THSD7B: variants seen among roughly 807,000 people sequenced by gnomAD.
THSD7B encodes thrombospondin type-1 domain-containing protein 7B.
A neutral mutation model predicts 213.6 loss-of-function variants in THSD7B; 138 were observed. That is an observed-to-expected ratio of 0.65 (90% CI 0.56 to 0.74). The LOEUF (loss-of-function observed/expected upper bound fraction) is 0.74. THSD7B is among the 30% of genes least tolerant of loss of function. The pLI is 0.00. For synonymous variants in THSD7B, 742 were observed against 687.0 expected (o/e 1.08, Z -1.25); for missense variants, 1,931 against 1,991.5 (o/e 0.97, Z 0.58).
At chr2:137,223,570 C>T (rs1301341676) in intron 7 of THSD7B, among the ~76,000 whole-genome samples, 1 of 152,202 alleles carries the variant, frequency 6.6e-6, no homozygotes, top group Non-Finnish European at 1.5e-5. Flanking sequence ...GGCTTATCAA[C>T]AAGTTGGCGT....
rs773677139 is a variant in THSD7B, at chr2:136,954,740, T to TAAAAAAAAG, written c.139+72424_139+72425insAAAAAAAGA. On this transcript the variant is annotated intron_variant, in intron 2 of 27. Transcript: ENST00000409968. ...AAAAAAAAAAAAAAAAAAAAGAAAT[T>TAAAAAAAAG]ACATAAGAGCTTTTATACTGTTTAT... Among the ~76,000 whole-genome samples the TAAAAAAAAG allele has an allele frequency of 7.4e-4, 102 of 137,424 alleles. 5 individuals are homozygous for TAAAAAAAAG. Among genetic ancestry groups the TAAAAAAAAG allele is most frequent in the Middle Eastern group, 3.6e-3 (1 of 274 alleles). The allele number at this position is 137,424 out of a possible 152,430, so 90.2% of individuals were successfully genotyped here.
At chr2:136,769,509 C>T (rs1030420328) in intron 1 of THSD7B, among the ~76,000 whole-genome samples, 5 of 152,144 alleles carry the variant, frequency 3.3e-5, no homozygotes, top group African/African-American at 1.2e-4. Flanking sequence ...CTGGTAGGGA[C>T]TCATGCTTTT....
chr2:137,411,534 A>G, intron 13 of THSD7B, 75 bp from the exon 14 acceptor site: 1 of 1,358,530 alleles, frequency 7.4e-7, no homozygotes. Flanking sequence ...AAAGATTACA[A>G]ATACAAAAGT....
chr2:137,421,122 C>G (rs1014626771), intron 14 of THSD7B, among the ~76,000 whole-genome samples: 1 of 152,144 alleles, frequency 6.6e-6, no homozygotes, highest in African/African-American at 2.4e-5. Flanking sequence ...GGGAAAAACA[C>G]GCTGACTGTG....
chr2:137,493,663 A>G (rs1049613400), intron 15 of THSD7B, among the ~76,000 whole-genome samples: 1 of 152,234 alleles, frequency 6.6e-6, no homozygotes, highest in Non-Finnish European at 1.5e-5. Flanking sequence ...AAGCCACTGC[A>G]GATATAAGCC....
chr2:136,766,364 T>C (rs995920479), intron 1 of THSD7B, among the ~76,000 whole-genome samples: 2 of 151,104 alleles, frequency 1.3e-5, no homozygotes, highest in East Asian at 3.9e-4. Context: ...GATATCCTGC[T>C]GTTTGTGGAG....
chr2:137,363,093 T>A (rs990389537), intron 12 of THSD7B, among the ~76,000 whole-genome samples: 3 of 152,026 alleles, frequency 2.0e-5, no homozygotes, highest in Non-Finnish European at 4.4e-5. Context: ...CACTCAAAAC[T>A]GCACAAATAT....
chr2:137,015,249 C>T (rs1686316929), intron 2 of THSD7B, among the ~76,000 whole-genome samples: 1 of 152,096 alleles, frequency 6.6e-6, no homozygotes, highest in Non-Finnish European at 1.5e-5. Context: ...TGCCAGTTAT[C>T]CAAGAAATAT....
chr2:137,108,388 CT>C (rs1395662412), intron 4 of THSD7B, among the ~76,000 whole-genome samples: 1 of 152,304 alleles, frequency 6.6e-6, no homozygotes, highest in African/African-American at 2.4e-5. Flanking sequence ...CTAATTTTGG[CT>C]TTGCTAATTT....
At chr2:137,501,457 T>A (rs1679703994) in intron 15 of THSD7B, among the ~76,000 whole-genome samples, 1 of 152,290 alleles carries the variant, frequency 6.6e-6, no homozygotes, top group East Asian at 1.9e-4. Context: ...TAAAGGTATT[T>A]TATTAAGAGA....
intron 2 of THSD7B, among the ~76,000 whole-genome samples, chr2:137,001,864 C>T (rs1220441818): frequency 6.6e-6 from 1 of 152,096 alleles, no homozygotes; most frequent in African/African-American, 2.4e-5. Flanking sequence ...TTGCATTTCA[C>T]TTTCTCTGTT....
At chr2:137,210,709 A>G (rs1681084092) in intron 7 of THSD7B, among the ~76,000 whole-genome samples, 2 of 152,062 alleles carry the variant, frequency 1.3e-5, no homozygotes, top group South Asian at 4.1e-4. Flanking sequence ...CGAAGACTGC[A>G]CCAATAAACA....
At chr2:137,637,045 C>T (rs1426526974) in intron 20 of THSD7B, among the ~76,000 whole-genome samples, 2 of 152,192 alleles carry the variant, frequency 1.3e-5, no homozygotes, top group African/African-American at 4.8e-5. Context: ...ATAATTTTAT[C>T]TTTAATATGG....
Position 137,157,173 on chromosome 2 carries a change from A to T in THSD7B, c.1370-3040A>T, listed in dbSNP as rs967153485. On this transcript the variant is annotated intron_variant, in intron 5 of 27. Transcript: ENST00000409968. ...TTGTCTGAGTCCAGTGGGAGCAAAT[A>T]CACTCATATGCAACAAGTTATATGA... Among the ~76,000 whole-genome samples the T allele has an allele frequency of 9.9e-5, 15 of 152,278 alleles. No homozygotes were observed. In the East Asian group the frequency reaches 2.5e-3, roughly 26 times the overall value.
At chr2:136,835,919 A>T (rs145140111) in intron 1 of THSD7B, among the ~76,000 whole-genome samples, 10 of 152,222 alleles carry the variant, frequency 6.6e-5, no homozygotes, top group African/African-American at 9.6e-5. Context: ...ATGTCTGTTT[A>T]TTTTTGCTTT....
At chr2:137,261,915 C>CAAAAAAAA (rs369579882) in intron 10 of THSD7B, among the ~76,000 whole-genome samples, 2,356 of 54,686 alleles carry the variant, frequency 0.043, 65 homozygotes, top group African/African-American at 0.11. Flanking sequence ...GAAAGTTTGT[C>CAAAAAAAA]AAAAAAAAAA....
chr2:137,089,925 T>C (rs1211077167), intron 3 of THSD7B, among the ~76,000 whole-genome samples: 1 of 151,770 alleles, frequency 6.6e-6, no homozygotes, highest in Non-Finnish European at 1.5e-5. Flanking sequence ...GAGAATTCCT[T>C]AAACCCGGGA....
intron 2 of THSD7B, among the ~76,000 whole-genome samples, chr2:137,050,449 T>C (rs1488187812): frequency 6.6e-6 from 1 of 152,204 alleles, no homozygotes. Flanking sequence ...GTCAGAGGCA[T>C]CTGTCCACAA....
At chr2:136,784,572 TATAAA>T (rs1370122208) in intron 1 of THSD7B, among the ~76,000 whole-genome samples, 4,668 of 122,720 alleles carry the variant, frequency 0.038, 229 homozygotes, top group African/African-American at 0.13. Flanking sequence ...CATGAAGGAT[TATAAA>T]ATAAAATGAA....
Sources: allele counts gnomAD v4.1 joint callset (sites outside exome capture counted in the v4.1 genomes callset), GRCh38; gene constraint gnomAD v4.1.1; transcripts MANE v1.5; gene names NCBI Gene and HGNC (gene_info 2026-07-23, HGNC 2026-07-21).